Variants in COL5A3 observed in about 807,000 individuals in gnomAD.
The protein encoded by COL5A3 is collagen alpha-3(V) chain.
COL5A3 carries 172 observed loss-of-function variants against 250.0 expected under a neutral mutation model. The ratio of observed to expected loss-of-function variants is 0.69; its 90% CI spans 0.61 to 0.78. The LOEUF is 0.78. COL5A3 is among the 30% of genes least tolerant of loss of function. The probability of loss-of-function intolerance (pLI) is 0.00; values close to 1 mark genes in which losing one functional copy is unlikely to be tolerated. For synonymous variants in COL5A3, 937 were observed against 900.4 expected, an observed-to-expected ratio of 1.04 and a Z score of -0.73; for missense variants, 2,340 against 2,334.4, an observed-to-expected ratio of 1.00 and a Z score of -0.05.
chr19:10,006,303 T>C (rs1186075339), intron 1 of COL5A3, 72 bp from the exon 2 acceptor site: 2 of 1,421,800 alleles, frequency 1.4e-6, no homozygotes, highest in African/African-American at 1.4e-5. Flanking sequence ...GACTCCAGGA[T>C]AGAGGCTCAG....
At position 9,993,187 on chromosome 19, in the gene COL5A3, G is replaced by A. The variant is rs1382591758; in HGVS notation, c.1750-120C>T. ...ATTAGACCAGGATCCCTGGGAACCTGCAGACTAAGTTCATGGGATTCCATT... is the reference window on the plus strand; with the variant it reads ...ATTAGACCAGGATCCCTGGGAACCTACAGACTAAGTTCATGGGATTCCATT... On this transcript the variant is annotated intron_variant, in intron 19 of 66. Transcript: ENST00000264828. 7 of 1,203,946 alleles carry A rather than the reference G, an allele frequency of 5.8e-6. No homozygotes were observed. The African/African-American group carries it at 7.5e-5, about 13-fold the overall frequency. 74.6% of individuals were successfully genotyped at this position (1,203,946 alleles called of 1,614,324 possible). A position where few individuals can be genotyped will look rare whatever the true frequency, so the allele number is the denominator to read the frequency against.
At position 9,972,909 on chromosome 19, in the gene COL5A3, C is replaced by T. The variant is rs199670856; in HGVS notation, c.3774+10G>A. 1.9e-6 allele frequency: 3 copies of T among 1,595,828 alleles called. No homozygotes were observed. The African/African-American group carries it at 4.0e-5, about 21-fold the overall frequency. Reference sequence around the variant, plus strand: ...TCCCATGTCTGCCCCCACTTCCCCCCAGGACTCACCACGCTCCCTTTGGCT... The same window carrying T: ...TCCCATGTCTGCCCCCACTTCCCCCTAGGACTCACCACGCTCCCTTTGGCT... On this transcript the variant is annotated intron_variant, in intron 51 of 66. Transcript: ENST00000264828.
chr19:9,960,352 C>T lies in COL5A3; in HGVS notation c.*59G>A. ...GAAAAATACGGTGGCTTCAAAGCCT[C>T]AGCACCAAATGCACCCCATTCTGGG... is the stretch of plus-strand genomic sequence containing the variant. On this transcript the variant is annotated 3_prime_UTR_variant, in exon 67 of 67. Coordinates refer to ENST00000264828, the MANE Select transcript of COL5A3 (RefSeq NM_015719.4). 1 of 1,605,354 alleles carries T rather than the reference C, an allele frequency of 6.2e-7. No individual in the cohort carries two copies. The highest frequency in any genetic ancestry group is 8.5e-7 in the Non-Finnish European group (1 of 1,174,078).
At chr19:9,979,045 T>TC in intron 39 of COL5A3, 65 bp from the exon 40 acceptor site, 1 of 1,476,882 alleles carries the variant, frequency 6.8e-7, no homozygotes, top group Non-Finnish European at 9.1e-7. Context: ...AATCTGTGAC[T>TC]CAGGGCCCCC....
At position 9,972,906 on chromosome 19, in the gene COL5A3, C is replaced by T; in HGVS notation, c.3774+13G>A. The T allele has an allele frequency of 6.3e-7, 1 of 1,592,658 alleles. No homozygotes were observed. Among genetic ancestry groups the T allele is most frequent in the South Asian group, 1.1e-5 (1 of 87,846 alleles). The stretch of plus-strand genomic sequence containing the variant: ...CCCTCCCATGTCTGCCCCCACTTCC[C>T]CCCAGGACTCACCACGCTCCCTTTG... On this transcript the variant is annotated intron_variant, in intron 51 of 66. Transcript: ENST00000264828.
In COL5A3 at chr19:9,967,387, G is replaced by A. The variant is rs746660947; in HGVS notation, c.4418C>T (p.Pro1473Leu). ...GCCTGCAGGTCCAGTGTCTCCACGG[G>A]GGCCCATGGACCCCTGTAGGGAGAA... The part of the protein sequence containing the change: ...GSKGSPGSMG[P>L]RGDTGPAGPP... The change falls in exon 62 of 67, where the codon CCC becomes CTC. Residue 1473 changes from proline to leucine, a missense_variant. Pro to Leu is a moderately conservative substitution (Grantham distance 98, BLOSUM62 -3). Coordinates refer to ENST00000264828, the MANE Select transcript of COL5A3 (RefSeq NM_015719.4). 4.7e-5 allele frequency: 70 copies of A among 1,480,234 alleles called. 3 individuals carry two copies. In the South Asian group the frequency reaches 9.7e-4, roughly 21 times the overall value. The allele number at this position is 1,480,234 out of a possible 1,614,324, so 91.7% of individuals were successfully genotyped here.
intron 47 of COL5A3, 28 bp downstream of exon 47, chr19:9,974,143 C>G (rs2086889415): frequency 1.9e-6 from 3 of 1,608,018 alleles, no homozygotes; most frequent in Non-Finnish European, 1.7e-6. Context: ...CCATCCTCCC[C>G]CTCCCACCTT....
At position 10,001,545 on chromosome 19, in the gene COL5A3, C is replaced by G; in HGVS notation, c.1089G>C (p.Arg363=). 6.2e-7 allele frequency: 1 copy of G among 1,614,118 alleles called. No individual in the cohort carries two copies. The highest frequency in any genetic ancestry group is 8.5e-7 in the Non-Finnish European group (1 of 1,180,026). The change falls in exon 8 of 67, where the codon CGG becomes CGC. Residue 363 remains arginine (R), a synonymous_variant. Transcript: ENST00000264828. The part of the protein sequence containing the change: ...PDFRAAEYPS[R]TQFQIFPGAG... ...TCACAGGAAAGATCTGGAACTGAGT[C>G]CGAGATGGATATTCTGCTGCCCGGA...
rs2086876928 is a variant in COL5A3 at position 9,973,170 on chromosome 19, G to A, written c.3667-144C>T. 4 of 683,794 alleles carry A rather than the reference G, an allele frequency of 5.8e-6. No homozygotes were observed. In the South Asian group the frequency reaches 8.6e-5, roughly 15 times the overall value. 42.4% of individuals were successfully genotyped at this position (683,794 alleles called of 1,614,324 possible). A position where few individuals can be genotyped will look rare whatever the true frequency, so the allele number is the denominator to read the frequency against. On this transcript the variant is annotated intron_variant, in intron 50 of 66. Transcript: ENST00000264828. ...AGCCTAGGTTGTCCAAGGGTCAAAG[G>A]TCAGAAGGAGCTAGGACTTAAGACA...
In COL5A3 at chr19:9,960,728, G is replaced by T; in HGVS notation, c.5014C>A (p.Leu1672Ile). The stretch of plus-strand genomic sequence containing the variant: ...GACAGCTCCTCTCCATTGGTGCCAA[G>T]GAAGCGGGCGGAGTGGCTGTAGTCA... ...TGDYSHSARFLGTNGEELSFN... is the reference protein window; with the variant it reads ...TGDYSHSARFIGTNGEELSFN... Residue 1672 changes from leucine (L) to isoleucine (I), a missense_variant, in exon 66 of 67, where the codon CTT (leucine) becomes ATT (isoleucine). Around this residue, in one of 3 missense-constraint regions of COL5A3, gnomAD observed 1,179 missense variants for 1,162.6 expected, o/e 1.01. Transcript: ENST00000264828. 1 of 1,614,064 alleles carries T rather than the reference G, an allele frequency of 6.2e-7. No homozygotes were observed. The highest frequency in any genetic ancestry group is 8.5e-7 in the Non-Finnish European group (1 of 1,180,028).
chr19:9,971,039 G>A lies in COL5A3; in HGVS notation c.3829-11C>T, dbSNP rs774425661. On this transcript the variant is annotated splice_polypyrimidine_tract_variant and intron_variant, in intron 52 of 66. Transcript: ENST00000264828. ...GGAACCATCTATGCCCTGCATGGGG[G>A]GAAGACAGAGTTGGGAGGGGTGATG... The A allele has an allele frequency of 4.0e-6, 6 of 1,512,732 alleles. No individual in the cohort carries two copies. The highest frequency in any genetic ancestry group is 5.3e-6 in the Non-Finnish European group (6 of 1,135,358). The allele number at this position is 1,512,732 out of a possible 1,614,324, so 93.7% of individuals were successfully genotyped here. A position where few individuals can be genotyped will look rare whatever the true frequency, so the allele number is the denominator to read the frequency against.
intron 10 of COL5A3, 140 bp downstream of exon 10, chr19:9,997,844 G>T: frequency 1.3e-6 from 1 of 799,708 alleles, no homozygotes; most frequent in South Asian, 1.7e-5. Context: ...TCCCTATTTT[G>T]ACTCACCCTT....
intron 64 of COL5A3, among the ~76,000 whole-genome samples, chr19:9,965,408 G>T (rs181097066): frequency 2.7e-5 from 4 of 150,248 alleles, no homozygotes; most frequent in Admixed American, 6.6e-5. Context: ...CACCCGCCTC[G>T]GCCTCCCAAA....
rs760367877 is a variant in COL5A3, at chr19:9,974,184, T to C, written c.3491A>G (p.Asp1164Gly). Reference sequence around the variant, plus strand: ...GGGAGTGCATACCATGGACCCGACGTCTCCGACCTCCCCTTTCTCTCCCGG... The same window carrying C: ...GGGAGTGCATACCATGGACCCGACGCCTCCGACCTCCCCTTTCTCTCCCGG... ...GPPGEKGEVG[D>G]VGSMGPHGAP... The change falls in exon 47 of 67, where the codon GAC becomes GGC. Residue 1164 changes from aspartate (D) to glycine (G), a missense_variant. Coordinates refer to ENST00000264828, the MANE Select transcript of COL5A3 (RefSeq NM_015719.4). 1 of 1,613,728 alleles carries C rather than the reference T, an allele frequency of 6.2e-7. No homozygotes were observed. The highest frequency in any genetic ancestry group is 8.5e-7 in the Non-Finnish European group (1 of 1,179,902).
rs949999970 is a variant in COL5A3, at chr19:10,009,767, T to A, written c.88+531A>T. On this transcript the variant is annotated intron_variant, in intron 1 of 66. Transcript: ENST00000264828. The surrounding 1 kb of genome is among the most constrained non-coding windows in gnomAD (Gnocchi z 4.4). ...CCCCCAATACTTGTCCCCACCCACCTTCATCCTCATGGGCAATTATTTGCA... is the reference window on the plus strand; with the variant it reads ...CCCCCAATACTTGTCCCCACCCACCATCATCCTCATGGGCAATTATTTGCA... 8.6e-5 allele frequency among the ~76,000 whole-genome samples: 13 copies of A among 151,914 alleles called. No homozygotes were observed. The highest frequency in any genetic ancestry group is 1.8e-4 in the Non-Finnish European group (12 of 67,960).
At position 10,000,452 on chromosome 19, in the gene COL5A3, C is replaced by CTTTTTTTTTTTTT. The variant is rs576119335; in HGVS notation, c.1110+1059_1110+1071dup. Among the ~76,000 whole-genome samples the CTTTTTTTTTTTTT allele has an allele frequency of 1.3e-4, 8 of 62,798 alleles. 2 individuals are homozygous for CTTTTTTTTTTTTT. Among genetic ancestry groups the CTTTTTTTTTTTTT allele is most frequent in the Middle Eastern group, 0.014 (1 of 74 alleles). 41.2% of individuals were successfully genotyped at this position (62,798 alleles called of 152,430 possible). On this transcript the variant is annotated intron_variant, in intron 8 of 66. Transcript: ENST00000264828. ...TGTGCCATTCAGCAGCCAGAGAGCT[C>CTTTTTTTTTTTTT]TTTTTTTTTTTTTTTTTTTTTTTTT... is the stretch of plus-strand genomic sequence containing the variant.
intron 65 of COL5A3, 80 bp downstream of exon 65, chr19:9,962,739 C>A: frequency 8.6e-7 from 1 of 1,167,896 alleles, no homozygotes; most frequent in Non-Finnish European, 1.2e-6. Flanking sequence ...CATCTCACCT[C>A]TCAGAACCCA....
chr19:9,989,598 T>C, intron 24 of COL5A3, 76 bp from the exon 25 acceptor site: 1 of 1,307,056 alleles, frequency 7.7e-7, no homozygotes, highest in Non-Finnish European at 1.1e-6. Context: ...TACGCAGACA[T>C]GCAGCCGCCT....
In COL5A3 at chr19:9,966,588, G is replaced by C. The variant is rs1346557905; in HGVS notation, c.4617C>G (p.Arg1539=). 6.5e-7 allele frequency: 1 copy of C among 1,541,146 alleles called. No individual in the cohort carries two copies. The highest frequency in any genetic ancestry group is 8.7e-7 in the Non-Finnish European group (1 of 1,147,268). ...QLRRPPGTAE[R]PGLVCHELHR... is the part of the protein sequence containing the mutation. ...GCAGCTCGTGGCACACGAGGCCCGG[G>C]CGCTCCGCAGTGCCGGGAGGACGCC... The change falls in exon 63 of 67, where the codon CGC becomes CGG. Residue 1539 remains arginine (R), a synonymous_variant. Coordinates refer to ENST00000264828, the MANE Select transcript of COL5A3 (RefSeq NM_015719.4).
Sources: allele counts gnomAD v4.1 joint callset (sites outside exome capture counted in the v4.1 genomes callset), GRCh38; gene constraint gnomAD v4.1.1; regional missense constraint gnomAD v4.1.1; non-coding constraint Gnocchi (gnomAD v3.1); transcripts MANE v1.5; gene names NCBI Gene and HGNC (gene_info 2026-07-23, HGNC 2026-07-21).